The following PDE2A variants were observed in gnomAD, a reference collection of about 807,000 sequenced individuals.
PDE2A encodes the protein cGMP-dependent 3',5'-cyclic phosphodiesterase.
In PDE2A, 53 loss-of-function variants were observed where a neutral mutation model predicts 133.6. The ratio of observed to expected loss-of-function variants is 0.40; its 90% CI spans 0.32 to 0.50. The LOEUF (loss-of-function observed/expected upper bound fraction) is 0.50. Ranked by LOEUF, PDE2A falls within the 20% of genes least tolerant of loss-of-function variation. The pLI, the probability that PDE2A is intolerant of heterozygous loss-of-function variation, is 0.73. For synonymous variants in PDE2A, 491 were observed against 490.2 expected (o/e 1.00, Z -0.02); for missense variants, 796 against 1,232.4 (o/e 0.65, Z 5.30).
chr11:72,596,730 C>A, intron 5 of PDE2A, 82 bp from the exon 6 acceptor site: 1 of 835,894 alleles, frequency 1.2e-6, no homozygotes, highest in Non-Finnish European at 1.7e-6. Flanking sequence ...GTGGGGGAGA[C>A]AAAGATGCAG....
At chr11:72,623,652 C>T (rs891087168) in intron 2 of PDE2A, among the ~76,000 whole-genome samples, 1 of 152,140 alleles carries the variant, frequency 6.6e-6, no homozygotes, top group Admixed American at 6.5e-5. Context: ...TGCTGACCCT[C>T]CCCCTTGCCT....
In PDE2A at chr11:72,588,834, A is replaced by T; in HGVS notation, c.1020T>A (p.Thr340=). ...MLCVPVISRA[T]DQVVALACAF... is the part of the protein sequence containing the mutation. ...CGCAGGCCAAGGCCACCACCTGGTC[A>T]GTGGCCCGGCTGATGACAGGGACAC... The change falls in exon 13 of 31, where the codon ACT becomes ACA. Residue 340 remains threonine (T), a synonymous_variant. Transcript: ENST00000334456. The T allele has an allele frequency of 6.2e-7, 1 of 1,611,312 alleles. No individual in the cohort carries two copies. Among genetic ancestry groups the T allele is most frequent in the Non-Finnish European group, 8.5e-7 (1 of 1,177,928 alleles).
intron 23 of PDE2A, 138 bp from the exon 24 acceptor site, chr11:72,581,111 G>A: frequency 2.7e-6 from 2 of 746,006 alleles, no homozygotes; most frequent in Non-Finnish European, 4.6e-6. Flanking sequence ...TCCCTTCCTG[G>A]AAAGAAGCAC....
chr11:72,605,099 C>T lies in PDE2A; in HGVS notation c.323+39G>A, dbSNP rs781267008. ...GTGCCTCAGCCCTGAGAATCCTTGG[C>T]CATGCAAGAGGGCAATGGGGGTGCA... On this transcript the variant is annotated intron_variant, in intron 4 of 30. Coordinates refer to ENST00000334456, the MANE Select transcript of PDE2A (RefSeq NM_002599.5). 8.9e-6 allele frequency: 12 copies of T among 1,343,870 alleles called. No homozygotes were observed. In the African/African-American group the frequency reaches 1.4e-4, roughly 16 times the overall value. 83.2% of individuals were successfully genotyped at this position (1,343,870 alleles called of 1,614,324 possible).
chr11:72,594,276 T>C, intron 6 of PDE2A, among the ~76,000 whole-genome samples: 1 of 152,234 alleles, frequency 6.6e-6, no homozygotes, highest in East Asian at 1.9e-4. Context: ...AAGGAGCTGG[T>C]GACTCGGCCT....
chr11:72,584,169 A>ACCCCCCACCCCCCCCCCCACCCCCC, intron 19 of PDE2A, 32 bp downstream of exon 19: 3 of 877,942 alleles, frequency 3.4e-6, no homozygotes, highest in South Asian at 1.5e-5. Flanking sequence ...GCCCCCTATC[A>ACCCCCCACCCCCCCCCCCACCCCCC]CCCCACACCC....
At chr11:72,603,963 TTCCATGG>T (rs1856862959) in intron 4 of PDE2A, among the ~76,000 whole-genome samples, 1 of 152,198 alleles carries the variant, frequency 6.6e-6, no homozygotes, top group South Asian at 2.1e-4. Context: ...CAGGAATTCT[TTCCATGG>T]TCCCTGTGAA....
chr11:72,674,305 G>A lies in PDE2A; in HGVS notation c.-98C>T. On this transcript the variant is annotated 5_prime_UTR_variant, in exon 1 of 31. Coordinates refer to ENST00000334456, the MANE Select transcript of PDE2A (RefSeq NM_002599.5). The stretch of plus-strand genomic sequence containing the variant: ...GGCAGGGCACCCCCAGCAGGCACAG[G>A]GACCAAGAGCAGTGGGCTGCCCCCT... The A allele has an allele frequency of 7.9e-7, 1 of 1,261,396 alleles. No homozygotes were observed. The highest frequency in any genetic ancestry group is 2.0e-5 in the Admixed American group (1 of 49,308). The allele number at this position is 1,261,396 out of a possible 1,614,324, so 78.1% of individuals were successfully genotyped here. A position where few individuals can be genotyped will look rare whatever the true frequency, so the allele number is the denominator to read the frequency against.
Position 72,584,193 on chromosome 11 carries a change from G to A in PDE2A, c.1650+8C>T. The stretch of plus-strand genomic sequence containing the variant: ...CACCCCACACCCCACTCCCAACCCC[G>A]CCCTCACATGGGCGATGCTGATGCC... On this transcript the variant is annotated splice_region_variant and intron_variant, in intron 19 of 30. Coordinates refer to ENST00000334456, the MANE Select transcript of PDE2A (RefSeq NM_002599.5). The A allele has an allele frequency of 3.8e-6, 2 of 532,268 alleles. No homozygotes were observed. The highest frequency in any genetic ancestry group is 6.5e-6 in the Non-Finnish European group (2 of 306,996). The allele number at this position is 532,268 out of a possible 1,614,324, so 33.0% of individuals were successfully genotyped here. A position where few individuals can be genotyped will look rare whatever the true frequency, so the allele number is the denominator to read the frequency against.
chr11:72,630,169 C>T (rs768710918), intron 2 of PDE2A, among the ~76,000 whole-genome samples: 1 of 152,076 alleles, frequency 6.6e-6, no homozygotes, highest in Non-Finnish European at 1.5e-5. Flanking sequence ...GCAGGAAATG[C>T]GCTGGCTGAG....
Position 72,584,658 on chromosome 11 carries a change from T to C in PDE2A, c.1430A>G (p.Asn477Ser), listed in dbSNP as rs1297195994. Residue 477 changes from asparagine to serine, a missense_variant, in exon 18 of 31, where the codon AAC becomes AGC. By Grantham distance (46) the Asn-to-Ser change is conservative (BLOSUM62 1). This residue lies in a region of PDE2A where 218 missense variants were observed against 465.9 expected (regional missense o/e 0.47). Coordinates refer to ENST00000334456, the MANE Select transcript of PDE2A (RefSeq NM_002599.5). Reference protein sequence around the residue: ...GHVATTGQILNIPDAYAHPLF... With the variant: ...GHVATTGQILSIPDAYAHPLF... ...CGGATGGGCATATGCGTCAGGGATG[T>C]TCAGGATCTGGCCCGTGGTCGCCAC... 1 of 1,613,510 alleles carries C rather than the reference T, an allele frequency of 6.2e-7. No individual in the cohort carries two copies. Among genetic ancestry groups the C allele is most frequent in the East Asian group, 2.2e-5 (1 of 44,884 alleles).
intron 1 of PDE2A, among the ~76,000 whole-genome samples, chr11:72,650,767 G>A (rs1005345479): frequency 5.3e-5 from 8 of 152,128 alleles, no homozygotes; most frequent in African/African-American, 1.9e-4. Flanking sequence ...CCAGACAGCT[G>A]CAGCCCTGAG....
At chr11:72,615,359 T>C (rs1158125707) in intron 2 of PDE2A, among the ~76,000 whole-genome samples, 1 of 152,068 alleles carries the variant, frequency 6.6e-6, no homozygotes, top group Non-Finnish European at 1.5e-5. Context: ...GATGAAGGAA[T>C]GGGAAGAGGG....
At chr11:72,657,569 A>G (rs1854933254) in intron 1 of PDE2A, among the ~76,000 whole-genome samples, 1 of 152,150 alleles carries the variant, frequency 6.6e-6, no homozygotes, top group Admixed American at 6.5e-5. Flanking sequence ...TCTGCGGCTG[A>G]GCCCTGACTG....
chr11:72,590,239 G>T lies in PDE2A; in HGVS notation c.709C>A (p.Leu237Ile). ...AGGGAAGAGGCATCCAGGTCGTAGA[G>T]TTCCCCTGCAAGGGCCAGGCGCCGG... ...DRKILQLCGE[L>I]YDLDASSLQL... Residue 237 changes from leucine to isoleucine, a missense_variant, in exon 9 of 31, where the codon CTC (leucine) becomes ATC (isoleucine). Leu to Ile is a conservative substitution (Grantham distance 5). This residue lies in a region of PDE2A where 417 missense variants were observed against 475.3 expected (regional missense o/e 0.88). Coordinates refer to ENST00000334456, the MANE Select transcript of PDE2A (RefSeq NM_002599.5). This position sits in a 1 kb window ranked among gnomAD's most constrained non-coding sequence, Gnocchi z 4.8. 6.4e-7 allele frequency: 1 copy of T among 1,551,604 alleles called. No individual in the cohort carries two copies. Among genetic ancestry groups the T allele is most frequent in the South Asian group, 1.2e-5 (1 of 84,072 alleles).
At position 72,597,495 on chromosome 11, in the gene PDE2A, G is replaced by C; in HGVS notation, c.433+15C>G. 1 of 1,492,990 alleles carries C rather than the reference G, an allele frequency of 6.7e-7. No individual in the cohort carries two copies. The highest frequency in any genetic ancestry group is 9.2e-7 in the Non-Finnish European group (1 of 1,082,912). The allele number at this position is 1,492,990 out of a possible 1,614,324, so 92.5% of individuals were successfully genotyped here. ...CTGCCCCTGCCCCTGCCCCTGCCCA[G>C]CCCCTAGCCCTTACCTTGGGTATCA... On this transcript the variant is annotated intron_variant, in intron 5 of 30. Coordinates refer to ENST00000334456, the MANE Select transcript of PDE2A (RefSeq NM_002599.5). This position sits in a 1 kb window ranked among gnomAD's most constrained non-coding sequence, Gnocchi z 4.6.
At chr11:72,584,793 A>C in intron 17 of PDE2A, 65 bp from the exon 18 acceptor site, 1 of 1,609,830 alleles carries the variant, frequency 6.2e-7, no homozygotes, top group South Asian at 1.1e-5. Context: ...GGGACTGTTA[A>C]ACCTCGGGCC....
Position 72,590,724 on chromosome 11 carries a change from A to T in PDE2A, c.550-144T>A. The T allele has an allele frequency of 1.3e-6, 1 of 749,674 alleles. No individual in the cohort carries two copies. Among genetic ancestry groups the T allele is most frequent in the Non-Finnish European group, 1.9e-6 (1 of 518,200 alleles). 46.4% of individuals were successfully genotyped at this position (749,674 alleles called of 1,614,324 possible). A position where few individuals can be genotyped will look rare whatever the true frequency, so the allele number is the denominator to read the frequency against. On this transcript the variant is annotated intron_variant, in intron 7 of 30. Coordinates refer to ENST00000334456, the MANE Select transcript of PDE2A (RefSeq NM_002599.5). The surrounding 1 kb of genome is among the most constrained non-coding windows in gnomAD (Gnocchi z 4.8). ...GCCGTCCCAAACACCTCATCCCTGGACTCTACCTTCCTGAGGGCTCCCCCG... is the reference window on the plus strand; with the variant it reads ...GCCGTCCCAAACACCTCATCCCTGGTCTCTACCTTCCTGAGGGCTCCCCCG...
chr11:72,661,834 G>A (rs1178848423), intron 1 of PDE2A, among the ~76,000 whole-genome samples: 1 of 152,226 alleles, frequency 6.6e-6, no homozygotes, highest in African/African-American at 2.4e-5. Flanking sequence ...TGCATATCTA[G>A]ATGTGTATAC....
Sources: allele counts gnomAD v4.1 joint callset (sites outside exome capture counted in the v4.1 genomes callset), GRCh38; gene constraint gnomAD v4.1.1; regional missense constraint gnomAD v4.1.1; non-coding constraint Gnocchi (gnomAD v3.1); transcripts MANE v1.5; gene names NCBI Gene and HGNC (gene_info 2026-07-23, HGNC 2026-07-21).